GRHL2: variants seen among roughly 807,000 people sequenced by gnomAD.
The protein encoded by GRHL2 is grainyhead-like protein 2 homolog.
In GRHL2, 21 loss-of-function variants were observed where a neutral mutation model predicts 83.8. The observed-to-expected ratio is 0.25, with a 90% confidence interval of 0.18 to 0.36. The LOEUF is 0.36. GRHL2 is among the 10% of genes least tolerant of loss of function. GRHL2 has a pLI of 1.00. For synonymous variants in GRHL2, 280 were observed against 278.9 expected (o/e 1.00, Z -0.04); for missense variants, 623 against 781.8 (o/e 0.80, Z 2.42).
At chr8:101,568,362 G>C (rs1352427182) in intron 4 of GRHL2, among the ~76,000 whole-genome samples, 1 of 152,168 alleles carries the variant, frequency 6.6e-6, no homozygotes, top group Non-Finnish European at 1.5e-5. Flanking sequence ...ACTCATGGTG[G>C]CCCTCCCTTG....
At chr8:101,527,153 T>C (rs1363905765) in intron 1 of GRHL2, among the ~76,000 whole-genome samples, 1 of 152,196 alleles carries the variant, frequency 6.6e-6, no homozygotes, top group East Asian at 1.9e-4. Context: ...CTTGAAAGTA[T>C]CTAAGTGATT....
chr8:101,552,899 C>T (rs1189844303), intron 3 of GRHL2, 117 bp downstream of exon 3: 6 of 971,090 alleles, frequency 6.2e-6, no homozygotes, highest in Admixed American at 2.0e-5. Flanking sequence ...CATCATCTAT[C>T]TGTCTTTTGA....
intron 8 of GRHL2, among the ~76,000 whole-genome samples, chr8:101,608,516 G>C (rs945146254): frequency 1.3e-5 from 2 of 152,182 alleles, no homozygotes; most frequent in Non-Finnish European, 2.9e-5. Context: ...GTAAATAATT[G>C]TAATACAAGG....
chr8:101,531,843 T>C (rs911260518), intron 1 of GRHL2, among the ~76,000 whole-genome samples: 4 of 152,032 alleles, frequency 2.6e-5, no homozygotes, highest in African/African-American at 9.7e-5. Flanking sequence ...AGAGAGACCA[T>C]GCTTCAAGTA....
At chr8:101,677,807 G>A in the GRHL2 span, among the ~76,000 whole-genome samples, 8 of 152,196 alleles carry the variant, frequency 5.3e-5, no homozygotes, top group Admixed American at 5.2e-4. Context: ...TTAGCACCCA[G>A]TACAGCAAGT....
downstream of GRHL2, among the ~76,000 whole-genome samples, chr8:101,671,255 A>G (rs1000282324): frequency 2.0e-5 from 3 of 152,218 alleles, no homozygotes; most frequent in African/African-American, 7.2e-5. Context: ...GGGGTCAGGG[A>G]GTTCCCTTTC....
chr8:101,515,742 C>T (rs574027141), intron 1 of GRHL2, among the ~76,000 whole-genome samples: 6 of 152,272 alleles, frequency 3.9e-5, no homozygotes, highest in Non-Finnish European at 7.4e-5. Flanking sequence ...TCCTCTCTGG[C>T]GAGTTTCCCA....
intron 14 of GRHL2, among the ~76,000 whole-genome samples, chr8:101,659,794 A>G (rs1476955360): frequency 6.6e-6 from 1 of 152,216 alleles, no homozygotes; most frequent in Non-Finnish European, 1.5e-5. Context: ...TGTCAACTGT[A>G]CATTATTGAG....
chr8:101,559,569 C>G (rs1222526166), intron 4 of GRHL2, among the ~76,000 whole-genome samples: 1 of 151,874 alleles, frequency 6.6e-6, no homozygotes, highest in Non-Finnish European at 1.5e-5. Context: ...TTTAAAAAAC[C>G]TTGTCTGATG....
At chr8:101,553,581 C>T (rs895550568) in intron 3 of GRHL2, among the ~76,000 whole-genome samples, 4 of 151,200 alleles carry the variant, frequency 2.6e-5, no homozygotes, top group South Asian at 2.1e-4. Flanking sequence ...CAGAAGGGAC[C>T]GAATCACCCT....
intron 4 of GRHL2, chr8:101,562,270 AT>A: frequency 3.3e-6 from 2 of 601,884 alleles, no homozygotes; most frequent in Admixed American, 2.3e-5. Flanking sequence ...TCATTTCTAC[AT>A]TTTTCAAATT....
chr8:101,667,097 T>C lies in GRHL2; in HGVS notation c.*394T>C. The C allele has an allele frequency of 3.3e-6, 1 of 298,982 alleles. No individual in the cohort carries two copies. The allele number at this position is 298,982 out of a possible 1,614,324, so 18.5% of individuals were successfully genotyped here. On this transcript the variant is annotated 3_prime_UTR_variant, in exon 16 of 16. Transcript: ENST00000646743. ...CTAAAAAATTCCCATCCCTTCTCTC[T>C]CACCCCTCCATATCTATCTCCCGAG...
chr8:101,568,728 T>C (rs1811765705), intron 4 of GRHL2, among the ~76,000 whole-genome samples: 1 of 152,208 alleles, frequency 6.6e-6, no homozygotes, highest in Non-Finnish European at 1.5e-5. Context: ...CATTGAATGC[T>C]TTGCTGATTA....
chr8:101,500,927 A>G (rs976350200), intron 1 of GRHL2, among the ~76,000 whole-genome samples: 1 of 152,050 alleles, frequency 6.6e-6, no homozygotes, highest in Non-Finnish European at 1.5e-5. Flanking sequence ...GGGGATCTCT[A>G]CCTCCCATCC....
At chr8:101,604,314 C>T (rs187817625) in intron 8 of GRHL2, among the ~76,000 whole-genome samples, 1 of 152,170 alleles carries the variant, frequency 6.6e-6, no homozygotes, top group Non-Finnish European at 1.5e-5. Flanking sequence ...AGATTCCTGG[C>T]ACCGAGCACT....
At chr8:101,494,037 C>T (rs561484) in intron 1 of GRHL2, among the ~76,000 whole-genome samples, 121,716 of 152,140 alleles carry the variant, frequency 0.8, 50,530 homozygotes, top group Non-Finnish European at 0.93. Context: ...GAACTGGCTG[C>T]GTCCTATTGG....
At chr8:101,680,227 G>C in the GRHL2 span, among the ~76,000 whole-genome samples, 1 of 121,716 alleles carries the variant, frequency 8.2e-6, no homozygotes, top group Admixed American at 8.7e-5. Flanking sequence ...AAGGATGGAG[G>C]AAGATCTACC....
chr8:101,553,516 C>CT (rs1300547335), intron 3 of GRHL2, among the ~76,000 whole-genome samples: 1 of 152,010 alleles, frequency 6.6e-6, no homozygotes. Context: ...GCAGGGGTGA[C>CT]TGGAGGGTGA....
At chr8:101,672,988 C>T, downstream of GRHL2, among the ~76,000 whole-genome samples, 1 of 150,926 alleles carries the variant, frequency 6.6e-6, no homozygotes, top group African/African-American at 2.4e-5. Flanking sequence ...AAATACTTTA[C>T]AGACAAGCAA....
Sources: allele counts gnomAD v4.1 joint callset (sites outside exome capture counted in the v4.1 genomes callset), GRCh38; gene constraint gnomAD v4.1.1; transcripts MANE v1.5; gene names NCBI Gene and HGNC (gene_info 2026-07-23, HGNC 2026-07-21).